DLGAP1: variants seen among roughly 807,000 people sequenced by gnomAD.
DLGAP1 encodes DLG associated protein 1.
Under a neutral mutation model 90.8 loss-of-function variants are expected in DLGAP1, and 11 were observed. The observed-to-expected ratio is 0.12, with a 90% CI of 0.08 to 0.20. DLGAP1 has a LOEUF of 0.20. DLGAP1 is among the 10% of genes least tolerant of loss of function. The pLI is 1.00. For missense variants in DLGAP1, 1,050 were observed against 1,333.8 expected (o/e 0.79, Z 3.31); for synonymous variants, 558 against 540.7 (o/e 1.03, Z -0.44).
At chr18:4,388,623 T>A (rs1205165466) in intron 1 of DLGAP1, among the ~76,000 whole-genome samples, 1 of 152,152 alleles carries the variant, frequency 6.6e-6, no homozygotes, top group Non-Finnish European at 1.5e-5. Flanking sequence ...GCAGGTAAGA[T>A]GCCCAAATTT....
intron 5 of DLGAP1, among the ~76,000 whole-genome samples, chr18:3,764,526 C>G (rs1032026089): frequency 6.6e-6 from 1 of 152,234 alleles, no homozygotes; most frequent in Non-Finnish European, 1.5e-5. Flanking sequence ...ATGTACCTCT[C>G]TCAACTAAGA....
At chr18:4,066,341 C>G (rs943118210) in intron 2 of DLGAP1, among the ~76,000 whole-genome samples, 14 of 151,822 alleles carry the variant, frequency 9.2e-5, no homozygotes, top group Non-Finnish European at 5.9e-5. Flanking sequence ...AGCTTCTGTA[C>G]AGCAAAAAAA....
At chr18:3,600,904 A>ATAGATG (rs2056943708) in intron 7 of DLGAP1, among the ~76,000 whole-genome samples, 1 of 125,750 alleles carries the variant, frequency 8.0e-6, no homozygotes, top group Admixed American at 8.2e-5. Flanking sequence ...ATATATATAG[A>ATAGATG]TATATAGATA....
intron 1 of DLGAP1, among the ~76,000 whole-genome samples, chr18:4,245,401 G>C (rs2078633484): frequency 2.0e-5 from 3 of 152,194 alleles, no homozygotes; most frequent in South Asian, 2.1e-4. Flanking sequence ...ATGTTACAAA[G>C]AGATTTTCCT....
intron 4 of DLGAP1, among the ~76,000 whole-genome samples, chr18:3,822,889 T>C (rs1190073517): frequency 6.6e-6 from 1 of 152,204 alleles, no homozygotes; most frequent in African/African-American, 2.4e-5. Flanking sequence ...AATGCACCTG[T>C]AGTCCCAGCT....
At chr18:4,367,004 CAAAAAAAAAAAAAA>C (rs67286288) in intron 1 of DLGAP1, among the ~76,000 whole-genome samples, 1 of 60,742 alleles carries the variant, frequency 1.6e-5, no homozygotes, top group Non-Finnish European at 3.0e-5. Flanking sequence ...CTGTCAATGG[CAAAAAAAAAAAAAA>C]AAAAAAAAAA....
intron 3 of DLGAP1, among the ~76,000 whole-genome samples, chr18:3,930,833 A>G (rs2072499780): frequency 6.6e-6 from 1 of 152,198 alleles, no homozygotes; most frequent in Non-Finnish European, 1.5e-5. Flanking sequence ...GAGGAAAAAC[A>G]GCAACGACCC....
In DLGAP1 at chr18:4,039,166, T is replaced by C. The variant is rs546849581; in HGVS notation, c.-158-33965A>G. Among the ~76,000 whole-genome samples, 5 of 152,310 alleles carry C rather than the reference T, an allele frequency of 3.3e-5. No homozygotes were observed. The East Asian group carries it at 9.6e-4, about 29-fold the overall frequency. ...TTTTTCATACAAATTGGAATGCAAA[T>C]TAATTTTTCTAGAGAATAAGAGAAT... On this transcript the variant is annotated intron_variant, in intron 2 of 12. Transcript: ENST00000315677.
chr18:3,520,424 C>T (rs1260567197), intron 10 of DLGAP1, among the ~76,000 whole-genome samples: 1 of 152,194 alleles, frequency 6.6e-6, no homozygotes, highest in Admixed American at 6.5e-5. Flanking sequence ...CGCTGAATTG[C>T]ATTTTCCTAA....
chr18:3,826,853 C>T (rs2067744981), intron 4 of DLGAP1, among the ~76,000 whole-genome samples: 1 of 152,006 alleles, frequency 6.6e-6, no homozygotes, highest in South Asian at 2.1e-4. Context: ...CATGCAATAA[C>T]CTAGATTGTA....
At chr18:4,091,567 T>C (rs915370219) in intron 2 of DLGAP1, among the ~76,000 whole-genome samples, 2 of 152,208 alleles carry the variant, frequency 1.3e-5, no homozygotes, top group African/African-American at 4.8e-5. Flanking sequence ...CTTCATCTCC[T>C]TTTTTACTCT....
chr18:4,357,102 T>TGG (rs199830265), intron 1 of DLGAP1, among the ~76,000 whole-genome samples: 3,866 of 151,584 alleles, frequency 0.026, 172 homozygotes, highest in African/African-American at 0.09. Flanking sequence ...TGTGTGTGTG[T>TGG]GTGTGTGTGT....
chr18:4,381,526 G>C (rs62085631), intron 1 of DLGAP1, among the ~76,000 whole-genome samples: 14,763 of 152,126 alleles, frequency 0.097, 835 homozygotes, highest in Admixed American at 0.15. Flanking sequence ...TCATACTTAA[G>C]ATGTGTTTCT....
At chr18:4,395,451 T>C (rs1179375492) in intron 1 of DLGAP1, among the ~76,000 whole-genome samples, 1 of 152,190 alleles carries the variant, frequency 6.6e-6, no homozygotes. Flanking sequence ...TCTACCTCAG[T>C]ACGAGGGCTC....
intron 1 of DLGAP1, among the ~76,000 whole-genome samples, chr18:4,330,802 T>C (rs2080931109): frequency 6.6e-6 from 1 of 151,910 alleles, no homozygotes; most frequent in Admixed American, 6.6e-5. Context: ...TCTTCTGGGT[T>C]ATGTTCTTGG....
intron 7 of DLGAP1, among the ~76,000 whole-genome samples, chr18:3,708,961 C>G (rs1195302132): frequency 1.3e-5 from 2 of 152,168 alleles, no homozygotes; most frequent in African/African-American, 4.8e-5. Flanking sequence ...CAAAAGCCTA[C>G]AGTTTGGTTG....
chr18:3,801,645 T>C (rs1050753186), intron 5 of DLGAP1, among the ~76,000 whole-genome samples: 4 of 152,196 alleles, frequency 2.6e-5, no homozygotes, highest in Non-Finnish European at 5.9e-5. Flanking sequence ...GTGAATTGTG[T>C]CTGGCACAGA....
At chr18:4,442,235 T>C (rs1423671463) in intron 1 of DLGAP1, among the ~76,000 whole-genome samples, 2 of 152,146 alleles carry the variant, frequency 1.3e-5, no homozygotes, top group Non-Finnish European at 2.9e-5. Context: ...CCTGACTTCA[T>C]GATCCGCCCA....
intron 5 of DLGAP1, among the ~76,000 whole-genome samples, chr18:3,798,017 G>T (rs950140297): frequency 2.6e-5 from 4 of 152,182 alleles, no homozygotes; most frequent in African/African-American, 9.7e-5. Flanking sequence ...CTTCTGCCAT[G>T]ATTGTGAGGC....
Sources: gnomAD v4.1 joint callset for allele counts (sites outside exome capture counted in the v4.1 genomes callset) on GRCh38, gnomAD v4.1.1 for gene constraint, MANE v1.5 for transcripts, NCBI Gene and HGNC (gene_info 2026-07-23, HGNC 2026-07-21) for gene names.